GUCY1A2: variants seen among roughly 807,000 people sequenced by gnomAD.
GUCY1A2 encodes the protein guanylate cyclase 1 soluble subunit alpha 2.
In GUCY1A2, 27 loss-of-function variants were observed where a neutral mutation model predicts 63.5. The observed-to-expected ratio is 0.43, with a 90% CI of 0.31 to 0.59. GUCY1A2 has a LOEUF of 0.59. Ranked by LOEUF, GUCY1A2 falls within the 20% of genes least tolerant of loss-of-function variation. GUCY1A2 has a pLI of 0.11. For missense variants in GUCY1A2, 768 were observed against 913.3 expected, an observed-to-expected ratio of 0.84 and a Z score of 2.05; for synonymous variants, 364 against 343.5, an observed-to-expected ratio of 1.06 and a Z score of -0.66.
chr11:106,911,519 G>C (rs1375928774), intron 4 of GUCY1A2, among the ~76,000 whole-genome samples: 1 of 152,078 alleles, frequency 6.6e-6, no homozygotes, highest in East Asian at 1.9e-4. Flanking sequence ...TTAAAGCACA[G>C]GATTTAGGTA....
At chr11:106,859,334 T>C (rs571392754) in intron 4 of GUCY1A2, among the ~76,000 whole-genome samples, 106 of 152,132 alleles carry the variant, frequency 7.0e-4, no homozygotes, top group African/African-American at 1.8e-3. Context: ...CAGGGGATAA[T>C]AGACATTGTC....
intron 2 of GUCY1A2, among the ~76,000 whole-genome samples, chr11:106,984,586 T>C (rs962464646): frequency 2.6e-5 from 4 of 152,232 alleles, no homozygotes; most frequent in Non-Finnish European, 4.4e-5. Context: ...TTATTTTATT[T>C]CGAAAGCGAA....
At chr11:106,858,248 C>G (rs368588885) in intron 4 of GUCY1A2, among the ~76,000 whole-genome samples, 4 of 152,028 alleles carry the variant, frequency 2.6e-5, no homozygotes, top group African/African-American at 9.7e-5. Context: ...AGATTGTTTA[C>G]CTTTTAATGT....
At chr11:106,905,097 G>A (rs1166420599) in intron 4 of GUCY1A2, among the ~76,000 whole-genome samples, 5 of 152,056 alleles carry the variant, frequency 3.3e-5, no homozygotes, top group African/African-American at 9.7e-5. Context: ...AGAAAAGGTA[G>A]TTGCCATTTC....
At chr11:106,959,575 A>G (rs1861033970) in intron 3 of GUCY1A2, among the ~76,000 whole-genome samples, 1 of 152,208 alleles carries the variant, frequency 6.6e-6, no homozygotes, top group Non-Finnish European at 1.5e-5. Context: ...CCTTCAGCTG[A>G]AGAGAGCTGC....
At chr11:106,827,396 C>T in intron 4 of GUCY1A2, 3 of 1,521,100 alleles carry the variant, frequency 2.0e-6, no homozygotes, top group Non-Finnish European at 2.7e-6. Flanking sequence ...TCACAGCCTT[C>T]AATTTCATAC....
At chr11:106,852,113 G>T (rs1000692326) in intron 4 of GUCY1A2, among the ~76,000 whole-genome samples, 6 of 151,816 alleles carry the variant, frequency 4.0e-5, no homozygotes, top group Non-Finnish European at 8.8e-5. Flanking sequence ...TATTGTAAAT[G>T]GCATAGTTTT....
intron 1 of GUCY1A2, among the ~76,000 whole-genome samples, chr11:106,994,599 G>A (rs75668001): frequency 1.9e-3 from 286 of 152,102 alleles, no homozygotes; most frequent in African/African-American, 6.3e-3. Flanking sequence ...ACAATCTCAC[G>A]AGTCTCAGAT....
intron 1 of GUCY1A2, among the ~76,000 whole-genome samples, chr11:107,001,902 C>G (rs1481559285): frequency 2.6e-5 from 4 of 151,808 alleles, no homozygotes; most frequent in Non-Finnish European, 5.9e-5. Context: ...ACCTGTAATC[C>G]CAGCTACTCG....
In GUCY1A2 at chr11:106,760,975, T is replaced by A. The variant is rs182475208; in HGVS notation, c.1836+15464A>T. 3.2e-4 allele frequency among the ~76,000 whole-genome samples: 49 copies of A among 152,342 alleles called. 1 individual carries two copies. The highest frequency in any genetic ancestry group is 1.0e-3 in the African/African-American group (42 of 41,590). On this transcript the variant is annotated intron_variant, in intron 6 of 7. Transcript: ENST00000526355. Reference sequence around the variant, plus strand: ...AGAAATGACACTCAAGAGGTCAAGATAATTGGACCTTCTGCCACAGATTTG... The same window carrying A: ...AGAAATGACACTCAAGAGGTCAAGAAAATTGGACCTTCTGCCACAGATTTG...
intron 4 of GUCY1A2, among the ~76,000 whole-genome samples, chr11:106,908,594 G>T (rs557248930): frequency 1.3e-5 from 2 of 151,324 alleles, no homozygotes; most frequent in East Asian, 1.9e-4. Flanking sequence ...GATGATAAAG[G>T]GTTTTAAACT....
chr11:106,956,371 A>G (rs1860984642), intron 3 of GUCY1A2, among the ~76,000 whole-genome samples: 1 of 152,060 alleles, frequency 6.6e-6, no homozygotes, highest in Non-Finnish European at 1.5e-5. Flanking sequence ...TTGGGTTTAC[A>G]GCATTTTTTC....
chr11:106,798,526 G>A (rs922294825), intron 5 of GUCY1A2, among the ~76,000 whole-genome samples: 2 of 152,156 alleles, frequency 1.3e-5, no homozygotes, highest in Admixed American at 6.6e-5. Context: ...TAAAATACTG[G>A]CAAACCAAAT....
chr11:106,925,664 G>T (rs1048387886), intron 4 of GUCY1A2, among the ~76,000 whole-genome samples: 3 of 152,046 alleles, frequency 2.0e-5, no homozygotes, highest in Non-Finnish European at 4.4e-5. Context: ...ATAAGTTAAC[G>T]GTTGGTCTGA....
intron 6 of GUCY1A2, among the ~76,000 whole-genome samples, chr11:106,719,934 C>T (rs1863284816): frequency 1.3e-5 from 2 of 152,168 alleles, no homozygotes; most frequent in African/African-American, 4.8e-5. Flanking sequence ...TCATTTTCGC[C>T]AGCATTCTAT....
intron 6 of GUCY1A2, among the ~76,000 whole-genome samples, chr11:106,764,963 AT>A (rs536338612): frequency 2.5e-5 from 1 of 39,852 alleles, no homozygotes; most frequent in Non-Finnish European, 4.2e-5. Flanking sequence ...TACTTTGCAG[AT>A]TTTTTTGGGG....
intron 3 of GUCY1A2, among the ~76,000 whole-genome samples, chr11:106,958,110 C>A (rs1861013910): frequency 6.6e-6 from 1 of 152,094 alleles, no homozygotes; most frequent in Non-Finnish European, 1.5e-5. Context: ...ACAGCATTCA[C>A]AAGCAATGCT....
Position 106,920,722 on chromosome 11 carries a change from A to G in GUCY1A2, c.1206+18738T>C, listed in dbSNP as rs187733289. 3.9e-5 allele frequency among the ~76,000 whole-genome samples: 6 copies of G among 152,284 alleles called. No homozygotes were observed. In the East Asian group the frequency reaches 1.2e-3, roughly 29 times the overall value. On this transcript the variant is annotated intron_variant, in intron 4 of 7. Coordinates refer to ENST00000526355, the MANE Select transcript of GUCY1A2 (RefSeq NM_000855.3). ...TGCTTCTTATTACCATTTTGTTAGA[A>G]GCTCAAGTAAACAGCAGAAAATTAA...
At chr11:106,913,356 G>A (rs560017965) in intron 4 of GUCY1A2, among the ~76,000 whole-genome samples, 1 of 152,126 alleles carries the variant, frequency 6.6e-6, no homozygotes, top group Non-Finnish European at 1.5e-5. Context: ...TCTGCCATTA[G>A]TGGAAAGGAG....
Sources: allele counts gnomAD v4.1 joint callset (sites outside exome capture counted in the v4.1 genomes callset), GRCh38; gene constraint gnomAD v4.1.1; transcripts MANE v1.5; gene names NCBI Gene and HGNC (gene_info 2026-07-23, HGNC 2026-07-21).